Variants in LARGE1 observed in about 807,000 individuals in gnomAD.
LARGE1 encodes the protein LARGE xylosyl- and glucuronyltransferase 1.
In LARGE1, 43 loss-of-function variants were observed where a neutral mutation model predicts 87.6. The observed-to-expected ratio is 0.49, with a 90% CI of 0.38 to 0.63. The LOEUF (loss-of-function observed/expected upper bound fraction) is 0.63. LARGE1 is among the 30% of genes least tolerant of loss of function. The pLI is 0.00. For missense variants in LARGE1, 802 were observed against 1,000.2 expected (o/e 0.80, Z 2.67); for synonymous variants, 434 against 394.6 (o/e 1.10, Z -1.18).
intron 6 of LARGE1, among the ~76,000 whole-genome samples, chr22:33,470,481 T>C (rs763268414): frequency 7.9e-5 from 12 of 152,208 alleles, no homozygotes; most frequent in Admixed American, 1.3e-4. Context: ...GAGCAGTCTT[T>C]GCCCTCAAAG....
chr22:33,225,295 C>G (rs1179850022), intron 11 of LARGE1, among the ~76,000 whole-genome samples: 1 of 152,170 alleles, frequency 6.6e-6, no homozygotes, highest in Non-Finnish European at 1.5e-5. Context: ...CCTCTCGGCA[C>G]TAGTTCTGGG....
At chr22:33,762,730 G>C (rs973977396) in intron 1 of LARGE1, among the ~76,000 whole-genome samples, 9 of 152,314 alleles carry the variant, frequency 5.9e-5, no homozygotes, top group African/African-American at 2.2e-4. Flanking sequence ...TGCAGACAAA[G>C]TGGATGGCCC....
chr22:33,078,528 T>C, the LARGE1 span, among the ~76,000 whole-genome samples: 1 of 152,196 alleles, frequency 6.6e-6, no homozygotes, highest in East Asian at 1.9e-4. Context: ...TAAGTTAACA[T>C]GTCCATGGTC....
intron 6 of LARGE1, among the ~76,000 whole-genome samples, chr22:33,456,802 C>A (rs1211755476): frequency 6.6e-6 from 1 of 152,166 alleles, no homozygotes; most frequent in Non-Finnish European, 1.5e-5. Flanking sequence ...CGGTCCAGTG[C>A]CCTTCTGTAA....
At chr22:33,312,897 G>T (rs1424368252) in intron 11 of LARGE1, among the ~76,000 whole-genome samples, 2 of 152,204 alleles carry the variant, frequency 1.3e-5, no homozygotes, top group Non-Finnish European at 2.9e-5. Flanking sequence ...GGGACTTTGT[G>T]GTGAGGTGGC....
At chr22:33,449,832 A>C (rs7284094) in intron 6 of LARGE1, among the ~76,000 whole-genome samples, 50,237 of 151,978 alleles carry the variant, frequency 0.33, 9,005 homozygotes, top group African/African-American at 0.46. Flanking sequence ...TGCCCTGAAG[A>C]TGCCCATCAA....
intron 1 of LARGE1, among the ~76,000 whole-genome samples, chr22:33,815,887 G>T (rs1448167505): frequency 6.6e-6 from 1 of 152,182 alleles, no homozygotes; most frequent in Non-Finnish European, 1.5e-5. Flanking sequence ...TGCCGTGGAA[G>T]TAAGAGATTC....
chr22:33,641,819 A>G (rs989849735), intron 3 of LARGE1, among the ~76,000 whole-genome samples: 2 of 152,232 alleles, frequency 1.3e-5, no homozygotes, highest in African/African-American at 2.4e-5. Context: ...AAGTGTGAAG[A>G]CAAGATTAAA....
At chr22:33,086,029 T>C in the LARGE1 span, among the ~76,000 whole-genome samples, 1 of 152,194 alleles carries the variant, frequency 6.6e-6, no homozygotes, top group African/African-American at 2.4e-5. Context: ...TTCACAACTT[T>C]TATATGTATA....
At chr22:33,634,883 C>T (rs899602381) in intron 3 of LARGE1, among the ~76,000 whole-genome samples, 5 of 151,870 alleles carry the variant, frequency 3.3e-5, no homozygotes, top group Non-Finnish European at 7.4e-5. Flanking sequence ...AATCCCAGCA[C>T]TTTGGGAGGC....
intron 7 of LARGE1, among the ~76,000 whole-genome samples, chr22:33,396,531 G>A (rs1282478088): frequency 6.6e-6 from 1 of 150,514 alleles, no homozygotes; most frequent in Non-Finnish European, 1.5e-5. Context: ...AGAGAAAGTG[G>A]AAATCCTTCC....
chr22:33,289,049 C>G (rs1932062402), intron 12 of LARGE1, among the ~76,000 whole-genome samples: 1 of 152,060 alleles, frequency 6.6e-6, no homozygotes, highest in Non-Finnish European at 1.5e-5. Flanking sequence ...AGCTCCGCCT[C>G]CCGGGTTCAC....
intron 12 of LARGE1, among the ~76,000 whole-genome samples, chr22:33,292,287 T>C (rs2145996271): frequency 6.6e-6 from 1 of 152,250 alleles, no homozygotes; most frequent in South Asian, 2.1e-4. Context: ...AACTAGGACA[T>C]ATTACAAACC....
chr22:33,130,901 C>T, the LARGE1 span, among the ~76,000 whole-genome samples: 1 of 151,744 alleles, frequency 6.6e-6, no homozygotes, highest in Non-Finnish European at 1.5e-5. Context: ...GGCGTGGTGG[C>T]AGTCGCCTGT....
chr22:33,380,114 G>A (rs1418551050), intron 9 of LARGE1, among the ~76,000 whole-genome samples: 2 of 152,068 alleles, frequency 1.3e-5, no homozygotes, highest in Non-Finnish European at 2.9e-5. Context: ...TTTATGAACC[G>A]ATCAATTATG....
chr22:33,742,066 A>C (rs1222175214), intron 2 of LARGE1, among the ~76,000 whole-genome samples: 1 of 152,198 alleles, frequency 6.6e-6, no homozygotes, highest in Non-Finnish European at 1.5e-5. Context: ...GGGGCTAACA[A>C]GGGTTCCTCT....
intron 11 of LARGE1, among the ~76,000 whole-genome samples, chr22:33,176,467 C>A (rs112765920): frequency 7.8e-4 from 119 of 151,862 alleles, no homozygotes; most frequent in Non-Finnish European, 9.0e-4. Flanking sequence ...AGAAAAAAAA[C>A]CAAACAACCC....
intron 10 of LARGE1, among the ~76,000 whole-genome samples, chr22:33,333,736 T>A (rs546260363): frequency 7.4e-4 from 113 of 152,170 alleles, no homozygotes; most frequent in Non-Finnish European, 4.9e-4. Context: ...TCTTTAAGAG[T>A]CTTATGTTTT....
chr22:33,380,317 G>A (rs2065118057), intron 9 of LARGE1, among the ~76,000 whole-genome samples: 1 of 152,130 alleles, frequency 6.6e-6, no homozygotes, highest in Non-Finnish European at 1.5e-5. Flanking sequence ...GCCGATGGAA[G>A]GAATGAATGT....
Sources: allele counts gnomAD v4.1 joint callset (sites outside exome capture counted in the v4.1 genomes callset), GRCh38; gene constraint gnomAD v4.1.1; transcripts MANE v1.5; gene names NCBI Gene and HGNC (gene_info 2026-07-23, HGNC 2026-07-21).